The following USP20 variants were observed in gnomAD, a reference collection of about 807,000 sequenced individuals.
USP20 encodes ubiquitin carboxyl-terminal hydrolase 20.
Under a neutral mutation model 124.2 loss-of-function variants are expected in USP20, and 80 were observed. The observed-to-expected ratio is 0.64, with a 90% CI of 0.54 to 0.78. The LOEUF (loss-of-function observed/expected upper bound fraction) is 0.78. Ranked by LOEUF, USP20 falls within the 30% of genes least tolerant of loss-of-function variation. The pLI, the probability that USP20 is intolerant of heterozygous loss-of-function variation, is 0.00. For synonymous variants in USP20, 481 were observed against 512.3 expected (o/e 0.94, Z 0.83); for missense variants, 1,043 against 1,244.4 (o/e 0.84, Z 2.44).
rs571504466 is a variant in USP20 at position 129,847,548 on chromosome 9, G to T, written c.-128-2265G>T. Reference sequence around the variant, plus strand: ...CAACTCCTGATCTCATGATCCGCCCGCCTCAGCCTCCCAAAGTGCTGGGAT... The same window carrying T: ...CAACTCCTGATCTCATGATCCGCCCTCCTCAGCCTCCCAAAGTGCTGGGAT... On this transcript the variant is annotated intron_variant, in intron 1 of 25. Transcript: ENST00000372429. Among the ~76,000 whole-genome samples the T allele has an allele frequency of 2.6e-5, 4 of 152,108 alleles. No individual in the cohort carries two copies. The East Asian group carries it at 7.7e-4, about 29-fold the overall frequency.
chr9:129,861,638 C>A (rs10124224), intron 8 of USP20, 26 bp downstream of exon 8: 1,463,570 of 1,611,806 alleles, frequency 0.91, 665,712 homozygotes, highest in East Asian at 1. Flanking sequence ...GTCCGAGGGC[C>A]GAGAGCTGTC....
chr9:129,875,769 C>A, intron 21 of USP20, 128 bp downstream of exon 21: 1 of 844,488 alleles, frequency 1.2e-6, no homozygotes, highest in Non-Finnish European at 1.8e-6. Context: ...GTGGGCAGCA[C>A]AGAGCCGCCT....
intron 1 of USP20, among the ~76,000 whole-genome samples, chr9:129,845,482 C>T (rs1348921018): frequency 2.0e-5 from 3 of 152,192 alleles, no homozygotes; most frequent in Non-Finnish European, 2.9e-5. Context: ...ACAGCTCTCT[C>T]TCTAGTGAGA....
chr9:129,868,938 GCTGT>G lies in USP20; in HGVS notation c.1215_1218del (p.Ser406AlafsTer9). On this transcript the variant is annotated frameshift_variant, in exon 12 of 26. Coordinates refer to ENST00000372429, the MANE Select transcript of USP20 (RefSeq NM_001110303.4). LOFTEE classifies it high-confidence loss of function. ...TCCACCACCACGAGGGCCATGCCAA[GCTGT>G]CTAGCAGCCCCCCTCGTGCAAGCCC... is the stretch of plus-strand genomic sequence containing the variant. The G allele has an allele frequency of 6.2e-7, 1 of 1,612,820 alleles. No homozygotes were observed. Among genetic ancestry groups the G allele is most frequent in the South Asian group, 1.1e-5 (1 of 90,902 alleles).
At chr9:129,866,398 G>T (rs871170) in intron 10 of USP20, among the ~76,000 whole-genome samples, 1 of 152,178 alleles carries the variant, frequency 6.6e-6, no homozygotes, top group African/African-American at 2.4e-5. Flanking sequence ...CCTCATAGAA[G>T]TCTCACAAAG....
At chr9:129,847,269 A>G (rs75447319) in intron 1 of USP20, among the ~76,000 whole-genome samples, 1,481 of 147,890 alleles carry the variant, frequency 0.01, 13 homozygotes, top group Non-Finnish European at 0.015. Context: ...CAGGGCTCCA[A>G]TTTATCCACA....
intron 12 of USP20, 31 bp from the exon 13 acceptor site, chr9:129,869,279 A>G: frequency 6.3e-7 from 1 of 1,588,582 alleles, no homozygotes; most frequent in Non-Finnish European, 8.6e-7. Context: ...AGGCAGGTGG[A>G]GGCTGGGCTA....
chr9:129,849,497 G>A lies in USP20; in HGVS notation c.-128-316G>A, dbSNP rs891683736. Among the ~76,000 whole-genome samples, 6 of 152,282 alleles carry A rather than the reference G, an allele frequency of 3.9e-5. No individual in the cohort carries two copies. In the East Asian group the frequency reaches 5.8e-4, roughly 15 times the overall value. The stretch of plus-strand genomic sequence containing the variant: ...GAACTGTCTGGGCACAGTGGCTCAC[G>A]CCTATAATCTCAGCACTTTGGAAGG... On this transcript the variant is annotated intron_variant, in intron 1 of 25. Coordinates refer to ENST00000372429, the MANE Select transcript of USP20 (RefSeq NM_001110303.4).
At position 129,880,081 on chromosome 9, in the gene USP20, G is replaced by T. The variant is rs565511139; in HGVS notation, c.2585-32G>T. 27 of 1,602,402 alleles carry T rather than the reference G, an allele frequency of 1.7e-5. No individual in the cohort carries two copies. The South Asian group carries it at 2.6e-4, about 16-fold the overall frequency. ...CGGTGGCTTCCTTGAGGAGGCAAAG[G>T]TGAGCCTAGGGGTGCCTCTCGTGCC... is the stretch of plus-strand genomic sequence containing the variant. On this transcript the variant is annotated intron_variant, in intron 24 of 25. Coordinates refer to ENST00000372429, the MANE Select transcript of USP20 (RefSeq NM_001110303.4).
intron 9 of USP20, among the ~76,000 whole-genome samples, chr9:129,863,683 T>C (rs1024155787): frequency 6.6e-6 from 1 of 152,316 alleles, no homozygotes; most frequent in East Asian, 1.9e-4. Context: ...TGGATGGAGC[T>C]TCTGGCACAG....
At chr9:129,873,613 C>G in intron 16 of USP20, 86 bp from the exon 17 acceptor site, 1 of 1,613,424 alleles carries the variant, frequency 6.2e-7, no homozygotes, top group Non-Finnish European at 8.5e-7. Flanking sequence ...ATCCTGCCTT[C>G]CCAGAAGGGA....
intron 17 of USP20, 44 bp downstream of exon 17, chr9:129,873,788 A>T: frequency 1.2e-6 from 2 of 1,603,600 alleles, no homozygotes; most frequent in Non-Finnish European, 1.7e-6. Context: ...CTATCTCGGG[A>T]TGCACACCAG....
intron 1 of USP20, among the ~76,000 whole-genome samples, chr9:129,849,235 G>C (rs541573633): frequency 2.2e-4 from 34 of 152,292 alleles, no homozygotes; most frequent in African/African-American, 7.9e-4. Context: ...CCAAGGTAAT[G>C]CCTCAGCAGT....
chr9:129,875,510 G>A (rs771614402), intron 20 of USP20, 31 bp downstream of exon 20: 1 of 1,613,074 alleles, frequency 6.2e-7, no homozygotes, highest in Non-Finnish European at 8.5e-7. Context: ...GGAGAGCAGG[G>A]TGGGCAGCTG....
Position 129,865,365 on chromosome 9 carries a change from G to A in USP20, c.674G>A (p.Arg225Gln), listed in dbSNP as rs2033772463. ...HGIKLVNPMFRGYAQQDTQEF... is the reference protein window; with the variant it reads ...HGIKLVNPMFQGYAQQDTQEF... Reference sequence around the variant, plus strand: ...ATCAAGTTGGTCAACCCAATGTTCCGAGGCTATGCCCAGCAGGTAAGCCAT... The same window carrying A: ...ATCAAGTTGGTCAACCCAATGTTCCAAGGCTATGCCCAGCAGGTAAGCCAT... Residue 225 changes from arginine (R) to glutamine (Q), a missense_variant, in exon 10 of 26, where the codon CGA becomes CAA. Transcript: ENST00000372429. 10 of 1,614,138 alleles carry A rather than the reference G, an allele frequency of 6.2e-6. No homozygotes were observed. Among genetic ancestry groups the A allele is most frequent in the South Asian group, 4.4e-5 (4 of 91,080 alleles).
chr9:129,851,720 TATC>T (rs1489788391), intron 2 of USP20, among the ~76,000 whole-genome samples: 1 of 152,324 alleles, frequency 6.6e-6, no homozygotes, highest in East Asian at 1.9e-4. Context: ...TGCTACTTGT[TATC>T]AGTGATTTAT....
At chr9:129,838,267 C>A (rs1156575086) in intron 1 of USP20, among the ~76,000 whole-genome samples, 1 of 151,998 alleles carries the variant, frequency 6.6e-6, no homozygotes, top group Admixed American at 6.6e-5. Flanking sequence ...GTCTCAAATT[C>A]CTAACCTTGA....
Position 129,879,678 on chromosome 9 carries a change from C to CT in USP20, c.2584+35dup, listed in dbSNP as rs576993651. The CT allele has an allele frequency of 3.6e-5, 58 of 1,611,286 alleles. No individual in the cohort carries two copies. In the African/African-American group the frequency reaches 7.7e-4, roughly 21 times the overall value. On this transcript the variant is annotated intron_variant, in intron 24 of 25. Transcript: ENST00000372429. This position sits in a 1 kb window ranked among gnomAD's most constrained non-coding sequence, Gnocchi z 4.2. The stretch of plus-strand genomic sequence containing the variant: ...CCCCTGGGGTCAGCCAGGCTCCTCT[C>CT]TGCCCTTCCTGGCTGCCAGGCTGCT...
intron 3 of USP20, among the ~76,000 whole-genome samples, chr9:129,854,571 A>G (rs2033112778): frequency 6.6e-6 from 1 of 152,238 alleles, no homozygotes; most frequent in Admixed American, 6.5e-5. Flanking sequence ...ATTTCATATC[A>G]TACACAGCAT....
Sources: allele counts gnomAD v4.1 joint callset (sites outside exome capture counted in the v4.1 genomes callset), GRCh38; gene constraint gnomAD v4.1.1; non-coding constraint Gnocchi (gnomAD v3.1); transcripts MANE v1.5; gene names NCBI Gene and HGNC (gene_info 2026-07-23, HGNC 2026-07-21).